Variants in MYRIP observed in about 807,000 individuals in gnomAD.
MYRIP encodes the protein myosin VIIA and Rab interacting protein.
A neutral mutation model predicts 98.0 loss-of-function variants in MYRIP; 49 were observed. That is an observed-to-expected ratio of 0.50 (90% CI 0.40 to 0.63). The LOEUF is 0.63. Ranked by LOEUF, MYRIP falls within the 30% of genes least tolerant of loss-of-function variation. The pLI is 0.00. For missense variants in MYRIP, 1,004 were observed against 1,058.2 expected (o/e 0.95, Z 0.71); for synonymous variants, 404 against 409.5 (o/e 0.99, Z 0.16).
At chr3:40,152,980 G>A (rs1950150882) in intron 4 of MYRIP, among the ~76,000 whole-genome samples, 1 of 151,824 alleles carries the variant, frequency 6.6e-6, no homozygotes, top group African/African-American at 2.4e-5. Flanking sequence ...TTAGTCAGAT[G>A]TGGTGGCATG....
At chr3:39,974,214 G>T (rs1471354082) in intron 2 of MYRIP, among the ~76,000 whole-genome samples, 1 of 151,906 alleles carries the variant, frequency 6.6e-6, no homozygotes, top group African/African-American at 2.4e-5. Flanking sequence ...AATGATAAAG[G>T]GGATATCACC....
intron 1 of MYRIP, among the ~76,000 whole-genome samples, chr3:39,884,177 T>G (rs1943228169): frequency 6.6e-6 from 1 of 152,026 alleles, no homozygotes. Flanking sequence ...TATCCTAAAG[T>G]GCTAAAAGGA....
intron 16 of MYRIP, among the ~76,000 whole-genome samples, chr3:40,257,090 C>A (rs1953618821): frequency 6.6e-6 from 1 of 152,196 alleles, no homozygotes; most frequent in Admixed American, 6.5e-5. Context: ...CTTTGGGAGA[C>A]CAAAGTGGGA....
At chr3:40,144,657 ATCATAAGCCCAGAGGGCGTGATT>A (rs1949974963) in intron 3 of MYRIP, among the ~76,000 whole-genome samples, 1 of 152,204 alleles carries the variant, frequency 6.6e-6, no homozygotes, top group South Asian at 2.1e-4. Context: ...TATCAAATAA[ATCATAAGCCCAGAGGGCGTGATT>A]TCTAGAAGCA....
chr3:40,096,880 T>C (rs1239947133), intron 3 of MYRIP, among the ~76,000 whole-genome samples: 1 of 152,250 alleles, frequency 6.6e-6, no homozygotes, highest in Admixed American at 6.5e-5. Context: ...TTGGCAAAGC[T>C]TGTGCTGCTT....
intron 10 of MYRIP, among the ~76,000 whole-genome samples, chr3:40,193,884 T>C (rs911388939): frequency 8.9e-5 from 3 of 33,644 alleles, no homozygotes; most frequent in Admixed American, 3.7e-4. Flanking sequence ...GCAATTTACA[T>C]TTATACTTTT....
chr3:40,110,814 C>A (rs1443944638), intron 3 of MYRIP, among the ~76,000 whole-genome samples: 2 of 152,036 alleles, frequency 1.3e-5, no homozygotes, highest in Admixed American at 6.6e-5. Context: ...CTCAACTTCA[C>A]TTCTCTCTCT....
intron 3 of MYRIP, among the ~76,000 whole-genome samples, chr3:40,067,270 C>A (rs1459222943): frequency 3.3e-5 from 5 of 152,124 alleles, no homozygotes; most frequent in African/African-American, 1.2e-4. Flanking sequence ...CATCACTTAC[C>A]TACCCATGGG....
intron 2 of MYRIP, among the ~76,000 whole-genome samples, chr3:39,978,216 T>C (rs1444723709): frequency 6.6e-6 from 1 of 152,210 alleles, no homozygotes; most frequent in Non-Finnish European, 1.5e-5. Flanking sequence ...AAATTAGCAA[T>C]GGCTATCCTA....
chr3:40,088,075 C>A (rs1948664927), intron 3 of MYRIP, among the ~76,000 whole-genome samples: 1 of 151,790 alleles, frequency 6.6e-6, no homozygotes. Flanking sequence ...AAGAACAAGA[C>A]CCAGGCCAAG....
At chr3:39,816,358 A>C (rs1940911308) in intron 1 of MYRIP, among the ~76,000 whole-genome samples, 1 of 152,222 alleles carries the variant, frequency 6.6e-6, no homozygotes, top group Non-Finnish European at 1.5e-5. Flanking sequence ...CTGGGATTAC[A>C]GGCGTGAGCC....
intron 12 of MYRIP, among the ~76,000 whole-genome samples, chr3:40,243,143 G>A (rs1282838150): frequency 6.6e-6 from 1 of 152,034 alleles, no homozygotes; most frequent in African/African-American, 2.4e-5. Flanking sequence ...TTGATTCATG[G>A]CCCCTGTATG....
At chr3:40,097,592 T>A (rs116217856) in intron 3 of MYRIP, among the ~76,000 whole-genome samples, 3 of 151,872 alleles carry the variant, frequency 2.0e-5, no homozygotes, top group Non-Finnish European at 4.4e-5. Flanking sequence ...ATGGGTAATG[T>A]TAAAATAAAA....
At chr3:39,995,514 C>G (rs1347676257) in intron 2 of MYRIP, among the ~76,000 whole-genome samples, 1 of 152,108 alleles carries the variant, frequency 6.6e-6, no homozygotes, top group East Asian at 1.9e-4. Flanking sequence ...CAAACAGAGC[C>G]TCCAAGAAAT....
chr3:39,942,279 GA>G (rs779646863), intron 2 of MYRIP, among the ~76,000 whole-genome samples: 4 of 152,074 alleles, frequency 2.6e-5, no homozygotes, highest in Admixed American at 6.6e-5. Flanking sequence ...GTGGAAGGCA[GA>G]AAAGACCAAT....
intron 3 of MYRIP, among the ~76,000 whole-genome samples, chr3:40,045,714 C>G (rs2125833846): frequency 6.6e-6 from 1 of 152,274 alleles, no homozygotes; most frequent in Admixed American, 6.5e-5. Flanking sequence ...AAGCCAAGTT[C>G]CTGTAACAAA....
intron 1 of MYRIP, among the ~76,000 whole-genome samples, chr3:39,845,246 T>C (rs1019475730): frequency 6.6e-5 from 10 of 152,026 alleles, no homozygotes; most frequent in Admixed American, 6.6e-4. Flanking sequence ...AAGGCCTGGA[T>C]GGGGTGCTGC....
intron 2 of MYRIP, among the ~76,000 whole-genome samples, chr3:39,938,537 T>C (rs1485756198): frequency 6.6e-6 from 1 of 152,208 alleles, no homozygotes; most frequent in Non-Finnish European, 1.5e-5. Context: ...AGGGCAGATA[T>C]TGCCAAATAG....
chr3:40,061,126 G>T (rs1039292935), intron 3 of MYRIP, among the ~76,000 whole-genome samples: 1 of 152,104 alleles, frequency 6.6e-6, no homozygotes, highest in African/African-American at 2.4e-5. Flanking sequence ...GTGAAGGTTT[G>T]TTATACAGGT....
Sources: gnomAD v4.1 joint callset for allele counts (sites outside exome capture counted in the v4.1 genomes callset) on GRCh38, gnomAD v4.1.1 for gene constraint, MANE v1.5 for transcripts, NCBI Gene and HGNC (gene_info 2026-07-23, HGNC 2026-07-21) for gene names.